The following RBFOX1 variants were observed in gnomAD, a reference collection of about 807,000 sequenced individuals.
The protein encoded by RBFOX1 is RNA binding fox-1 homolog 1, also known as RNA binding protein fox-1 homolog 1.
In RBFOX1, 8 loss-of-function variants were observed where a neutral mutation model predicts 57.7. The ratio of observed to expected loss-of-function variants is 0.14; its 90% CI spans 0.08 to 0.25. RBFOX1 has a LOEUF of 0.25. Among genes scored for constraint, RBFOX1 ranks in the 10% least tolerant of loss-of-function variants. RBFOX1 has a pLI of 1.00. For missense variants in RBFOX1, 611 were observed against 548.5 expected (o/e 1.11, Z -1.14); for synonymous variants, 326 against 222.4 (o/e 1.47, Z -4.15).
intron 4 of RBFOX1, among the ~76,000 whole-genome samples, chr16:6,002,809 C>G (rs146623461): frequency 6.6e-6 from 1 of 152,286 alleles, no homozygotes; most frequent in Non-Finnish European, 1.5e-5. Flanking sequence ...TGAGTTAGAG[C>G]AAATAAAGTG....
intron 3 of RBFOX1, among the ~76,000 whole-genome samples, chr16:6,684,656 G>T (rs1219327646): frequency 3.3e-5 from 5 of 152,162 alleles, no homozygotes; most frequent in Non-Finnish European, 7.3e-5. Context: ...TTCTTTATCA[G>T]TGTCTTAGAA....
At chr16:7,162,654 G>T (rs1292787720) in intron 4 of RBFOX1, among the ~76,000 whole-genome samples, 2 of 151,800 alleles carry the variant, frequency 1.3e-5, no homozygotes, top group African/African-American at 2.4e-5. Context: ...GCTTGAACCT[G>T]GGAGACAGAG....
At chr16:7,138,516 C>G (rs553274550) in intron 4 of RBFOX1, among the ~76,000 whole-genome samples, 3 of 152,274 alleles carry the variant, frequency 2.0e-5, no homozygotes, top group South Asian at 4.1e-4. Context: ...CAAACTCAGT[C>G]TTGGAATAAG....
At chr16:5,855,932 C>T (rs967314602) in intron 3 of RBFOX1, among the ~76,000 whole-genome samples, 5 of 143,456 alleles carry the variant, frequency 3.5e-5, no homozygotes, top group Admixed American at 6.9e-5. Flanking sequence ...TTAATGTACA[C>T]GTCTTTCAAC....
intron 1 of RBFOX1, among the ~76,000 whole-genome samples, chr16:6,054,562 A>T (rs779696664): frequency 9.2e-5 from 14 of 152,134 alleles, no homozygotes; most frequent in Non-Finnish European, 1.8e-4. Flanking sequence ...CACTGGGTTG[A>T]CACCCTGACC....
intron 4 of RBFOX1, among the ~76,000 whole-genome samples, chr16:7,218,035 G>A (rs761752718): frequency 3.3e-5 from 5 of 151,238 alleles, no homozygotes; most frequent in South Asian, 2.1e-4. Flanking sequence ...GTGTGTGCGC[G>A]CGTGTGCGTG....
intron 3 of RBFOX1, chr16:5,838,313 C>G (rs551875868): frequency 9.3e-6 from 2 of 215,054 alleles, no homozygotes; most frequent in African/African-American, 2.4e-5. Flanking sequence ...CACATGTACA[C>G]CTGCACAGAG....
intron 3 of RBFOX1, among the ~76,000 whole-genome samples, chr16:6,734,945 G>A (rs1031671980): frequency 1.3e-5 from 2 of 152,124 alleles, no homozygotes; most frequent in African/African-American, 2.4e-5. Flanking sequence ...TTTAAGACTG[G>A]CATGGGCAAC....
chr16:6,213,173 A>G (rs1322514499), intron 1 of RBFOX1, among the ~76,000 whole-genome samples: 1 of 152,224 alleles, frequency 6.6e-6, no homozygotes, highest in Non-Finnish European at 1.5e-5. Context: ...ATTTAAATAC[A>G]GAAACTATAT....
chr16:5,336,394 C>A (rs1055546089), intron 1 of RBFOX1, among the ~76,000 whole-genome samples: 15 of 152,178 alleles, frequency 9.9e-5, no homozygotes, highest in Non-Finnish European at 1.5e-4. Flanking sequence ...TCCCCACTAT[C>A]CTCATCGGTA....
intron 1 of RBFOX1, among the ~76,000 whole-genome samples, chr16:5,255,301 C>T (rs995330031): frequency 3.3e-5 from 5 of 151,854 alleles, no homozygotes; most frequent in East Asian, 1.9e-4. Flanking sequence ...CTCATCTGTC[C>T]GCCTATCCGT....
At chr16:6,211,802 C>T (rs1326487254) in intron 1 of RBFOX1, among the ~76,000 whole-genome samples, 3 of 151,520 alleles carry the variant, frequency 2.0e-5, no homozygotes, top group South Asian at 2.1e-4. Flanking sequence ...ACATTCCATC[C>T]ACTTAAAGGA....
intron 10 of RBFOX1, among the ~76,000 whole-genome samples, chr16:7,613,711 T>C (rs955776010): frequency 1.3e-5 from 2 of 152,134 alleles, no homozygotes; most frequent in African/African-American, 4.8e-5. Context: ...GAAGGCTCCC[T>C]CACATTTTTT....
intron 4 of RBFOX1, among the ~76,000 whole-genome samples, chr16:5,989,351 A>T (rs2060346230): frequency 6.6e-6 from 1 of 151,930 alleles, no homozygotes; most frequent in Non-Finnish European, 1.5e-5. Flanking sequence ...AACAAAACAA[A>T]CAAAAAAACC....
chr16:7,631,634 G>C (rs1596914622), intron 11 of RBFOX1, among the ~76,000 whole-genome samples: 1 of 152,154 alleles, frequency 6.6e-6, no homozygotes, highest in East Asian at 1.9e-4. Context: ...TGGGTGCCTG[G>C]AGTGGGGGTG....
chr16:6,063,491 ACACACACACACACACC>A (rs1361060478), intron 1 of RBFOX1, among the ~76,000 whole-genome samples: 78 of 108,242 alleles, frequency 7.2e-4, no homozygotes, highest in Admixed American at 2.2e-3. Context: ...ACACACACAC[ACACACACACACACACC>A]CCCTTATATT....
intron 3 of RBFOX1, among the ~76,000 whole-genome samples, chr16:7,012,974 G>T (rs971746869): frequency 2.0e-5 from 3 of 152,130 alleles, no homozygotes; most frequent in African/African-American, 7.2e-5. Flanking sequence ...TTCTCAATGT[G>T]TCTTCAGTGG....
rs549296079 is a variant in RBFOX1 at position 7,451,763 on chromosome 16, G to C, written c.28-66384G>C. ...AAACATTTATTTCTCATTTTGTAGA[G>C]GCAAGACCAAATTTGTGTCAGCTTC... On this transcript the variant is annotated intron_variant, in intron 4 of 15. Coordinates refer to ENST00000550418, the MANE Select transcript of RBFOX1 (RefSeq NM_018723.4). 4.9e-5 allele frequency among the ~76,000 whole-genome samples: 7 copies of C among 141,678 alleles called. No homozygotes were observed. In the South Asian group the frequency reaches 1.6e-3, roughly 32 times the overall value. 92.9% of individuals were successfully genotyped at this position (141,678 alleles called of 152,430 possible).
intron 3 of RBFOX1, among the ~76,000 whole-genome samples, chr16:5,726,055 C>G (rs1010210898): frequency 2.6e-5 from 4 of 152,026 alleles, no homozygotes; most frequent in African/African-American, 9.7e-5. Context: ...CTCTCTACTT[C>G]CTTTTTCTTT....
Sources: allele counts gnomAD v4.1 joint callset (sites outside exome capture counted in the v4.1 genomes callset), GRCh38; gene constraint gnomAD v4.1.1; transcripts MANE v1.5; gene names NCBI Gene and HGNC (gene_info 2026-07-23, HGNC 2026-07-21).